The following CNTNAP2 variants were observed in gnomAD, a reference collection of about 807,000 sequenced individuals.
The protein encoded by CNTNAP2 is contactin associated protein 2, also known as contactin-associated protein-like 2.
CNTNAP2 carries 98 observed loss-of-function variants against 155.2 expected under a neutral mutation model. The ratio of observed to expected loss-of-function variants is 0.63; its 90% CI spans 0.54 to 0.75. The LOEUF is 0.75. CNTNAP2 is among the 30% of genes least tolerant of loss of function. The pLI is 0.00. For missense variants in CNTNAP2, 1,727 were observed against 1,688.1 expected (o/e 1.02, Z -0.40); for synonymous variants, 651 against 631.2 (o/e 1.03, Z -0.47).
chr7:147,093,593 A>G (rs1800460721), intron 4 of CNTNAP2, among the ~76,000 whole-genome samples: 2 of 152,154 alleles, frequency 1.3e-5, no homozygotes, highest in African/African-American at 4.8e-5. Flanking sequence ...TTTTGAGAGG[A>G]CACAAACACT....
In CNTNAP2 at chr7:147,431,050, C is replaced by CAA. The variant is rs34150647; in HGVS notation, c.1670+35284_1670+35285dup. Reference sequence around the variant, plus strand: ...TGGGCGACAGAGTGAGACTCCATCTCAAAAAAAAAAAAAAAGATACATGGG... The same window carrying CAA: ...TGGGCGACAGAGTGAGACTCCATCTCAAAAAAAAAAAAAAAAAGATACATGGG... On this transcript the variant is annotated intron_variant, in intron 10 of 23. Coordinates refer to ENST00000361727, the MANE Select transcript of CNTNAP2 (RefSeq NM_014141.6). Among the ~76,000 whole-genome samples, 329 of 124,052 alleles carry CAA rather than the reference C, an allele frequency of 2.7e-3. 1 individual carries two copies. The highest frequency in any genetic ancestry group is 3.7e-3 in the Non-Finnish European group (217 of 58,638). 81.4% of individuals were successfully genotyped at this position (124,052 alleles called of 152,430 possible).
chr7:148,161,670 C>G (rs889973341), intron 17 of CNTNAP2, among the ~76,000 whole-genome samples: 1 of 152,092 alleles, frequency 6.6e-6, no homozygotes, highest in Admixed American at 6.5e-5. Context: ...TCTCACTACC[C>G]GTTCCTCCAC....
intron 15 of CNTNAP2, among the ~76,000 whole-genome samples, chr7:148,008,434 T>TA (rs1802017715): frequency 6.6e-6 from 1 of 152,172 alleles, no homozygotes; most frequent in Admixed American, 6.6e-5. Flanking sequence ...TTTCTTTGAT[T>TA]AAAAATCTGT....
chr7:147,483,162 A>G (rs1798453033), intron 10 of CNTNAP2, among the ~76,000 whole-genome samples: 1 of 152,220 alleles, frequency 6.6e-6, no homozygotes, highest in Admixed American at 6.5e-5. Flanking sequence ...TTTGAAGTAC[A>G]GTTGGACCTC....
chr7:147,994,395 A>G (rs947592444), intron 15 of CNTNAP2, among the ~76,000 whole-genome samples: 2 of 150,090 alleles, frequency 1.3e-5, no homozygotes, highest in Admixed American at 1.3e-4. Context: ...GGAACTTGGC[A>G]TTTGCAATCC....
At chr7:146,525,156 T>A (rs1318550826) in intron 1 of CNTNAP2, among the ~76,000 whole-genome samples, 1 of 152,146 alleles carries the variant, frequency 6.6e-6, no homozygotes, top group Non-Finnish European at 1.5e-5. Flanking sequence ...TATTATTACT[T>A]GGTAAAATTG....
intron 15 of CNTNAP2, among the ~76,000 whole-genome samples, chr7:148,028,957 C>T (rs149535440): frequency 4.6e-5 from 7 of 152,060 alleles, no homozygotes; most frequent in Admixed American, 6.5e-5. Flanking sequence ...GAGAAAATTA[C>T]GTTTTTGTTT....
chr7:148,087,759 T>C (rs117244020), intron 15 of CNTNAP2, among the ~76,000 whole-genome samples: 163 of 152,216 alleles, frequency 1.1e-3, no homozygotes, highest in Middle Eastern at 6.8e-3. Context: ...GAGAATACTA[T>C]TAAAGTCCAA....
chr7:147,712,827 G>A (rs892112423), intron 13 of CNTNAP2, among the ~76,000 whole-genome samples: 4 of 152,042 alleles, frequency 2.6e-5, no homozygotes, highest in Admixed American at 1.3e-4. Flanking sequence ...ACACCAACAT[G>A]GCACATGTAT....
chr7:146,793,914 T>A (rs1802722207), intron 2 of CNTNAP2, among the ~76,000 whole-genome samples: 1 of 152,214 alleles, frequency 6.6e-6, no homozygotes. Context: ...AAGACAGGAC[T>A]CTAGGATGTG....
intron 8 of CNTNAP2, among the ~76,000 whole-genome samples, chr7:147,134,556 T>G (rs1425796523): frequency 8.6e-5 from 13 of 151,686 alleles, no homozygotes; most frequent in Non-Finnish European, 2.9e-5. Flanking sequence ...TAGTGGAAAC[T>G]AAGTGCTCAT....
Position 146,670,112 on chromosome 7 carries a change from T to C in CNTNAP2, c.98-104159T>C, listed in dbSNP as rs74611244. Among the ~76,000 whole-genome samples the C allele has an allele frequency of 8.5e-5, 13 of 152,350 alleles. No homozygotes were observed. The East Asian group carries it at 2.5e-3, about 29-fold the overall frequency. On this transcript the variant is annotated intron_variant, in intron 1 of 23. Coordinates refer to ENST00000361727, the MANE Select transcript of CNTNAP2 (RefSeq NM_014141.6). ...TATTTGTTCAGTGTAGTTTTGTTTC[T>C]TTTTAAGAAGCTAATATTTTAGGAA...
chr7:146,325,468 T>C (rs1300302387), intron 1 of CNTNAP2, among the ~76,000 whole-genome samples: 2 of 152,172 alleles, frequency 1.3e-5, no homozygotes, highest in East Asian at 3.9e-4. Context: ...TCTACATGGC[T>C]TACTGAATAT....
At chr7:146,743,472 T>C (rs1801754340) in intron 1 of CNTNAP2, among the ~76,000 whole-genome samples, 1 of 152,220 alleles carries the variant, frequency 6.6e-6, no homozygotes, top group Non-Finnish European at 1.5e-5. Context: ...ATTATGGATG[T>C]ACATCATTTG....
chr7:147,875,184 C>T (rs1188739941), intron 13 of CNTNAP2, among the ~76,000 whole-genome samples: 3 of 152,146 alleles, frequency 2.0e-5, no homozygotes, highest in Non-Finnish European at 4.4e-5. Context: ...TACCAATTTA[C>T]TGTATTTGTT....
At chr7:147,045,355 C>T (rs1799337194) in intron 4 of CNTNAP2, among the ~76,000 whole-genome samples, 1 of 152,126 alleles carries the variant, frequency 6.6e-6, no homozygotes, top group South Asian at 2.1e-4. Flanking sequence ...AAGCTTTCAC[C>T]TCTGTACACA....
chr7:147,495,309 T>TTTAACCTTGG (rs1798684123), intron 11 of CNTNAP2, among the ~76,000 whole-genome samples: 1 of 152,190 alleles, frequency 6.6e-6, no homozygotes, highest in African/African-American at 2.4e-5. Context: ...GAATTGATTG[T>TTTAACCTTGG]TTAACCTTGG....
chr7:148,235,426 C>A (rs184124703), intron 20 of CNTNAP2, among the ~76,000 whole-genome samples: 1 of 152,286 alleles, frequency 6.6e-6, no homozygotes, highest in East Asian at 1.9e-4. Context: ...GTCTGTCTTA[C>A]ATCAGATATA....
intron 10 of CNTNAP2, among the ~76,000 whole-genome samples, chr7:147,428,518 A>G (rs1797417128): frequency 6.6e-6 from 1 of 152,164 alleles, no homozygotes; most frequent in Admixed American, 6.5e-5. Flanking sequence ...CTACCCTAGA[A>G]TGGAGGATTC....
Sources: gnomAD v4.1 joint callset for allele counts (sites outside exome capture counted in the v4.1 genomes callset) on GRCh38, gnomAD v4.1.1 for gene constraint, MANE v1.5 for transcripts, NCBI Gene and HGNC (gene_info 2026-07-23, HGNC 2026-07-21) for gene names.